PRTG: variants seen among roughly 807,000 people sequenced by gnomAD.
The protein encoded by PRTG is immunoglobulin superfamily, DCC subclass, member 5.
PRTG carries 67 observed loss-of-function variants against 122.5 expected under a neutral mutation model. That is an observed-to-expected ratio of 0.55 (90% CI 0.45 to 0.67). PRTG has a LOEUF of 0.67. Among genes scored for constraint, PRTG ranks in the 30% least tolerant of loss-of-function variants. The pLI, the probability that PRTG is intolerant of heterozygous loss-of-function variation, is 0.00. For synonymous variants in PRTG, 554 were observed against 501.1 expected (o/e 1.11, Z -1.41); for missense variants, 1,435 against 1,415.4 (o/e 1.01, Z -0.22).
chr15:55,652,141 C>T (rs539495096), intron 11 of PRTG, among the ~76,000 whole-genome samples: 1 of 152,216 alleles, frequency 6.6e-6, no homozygotes, highest in South Asian at 2.1e-4. Flanking sequence ...AAAAGCTTTG[C>T]TATAGTAGCA....
intron 18 of PRTG, among the ~76,000 whole-genome samples, chr15:55,622,878 A>C (rs1362415171): frequency 6.6e-6 from 1 of 152,176 alleles, no homozygotes; most frequent in Admixed American, 6.5e-5. Flanking sequence ...TTTAGGTTCT[A>C]ATGTTTTAGA....
At chr15:55,727,071 A>G (rs1388158531) in intron 2 of PRTG, among the ~76,000 whole-genome samples, 2 of 152,144 alleles carry the variant, frequency 1.3e-5, no homozygotes, top group African/African-American at 4.8e-5. Flanking sequence ...ATAATCTCAA[A>G]TCAATAATCT....
chr15:55,680,659 T>C lies in PRTG; in HGVS notation c.677-31A>G, dbSNP rs752423268. ...GGGAGGAAAAGACAGAATATAAAAA[T>C]AAATTATAAATAAGATATAATAAGT... On this transcript the variant is annotated intron_variant, in intron 4 of 19. Transcript: ENST00000389286. The C allele has an allele frequency of 2.9e-6, 4 of 1,374,248 alleles. No individual in the cohort carries two copies. The South Asian group carries it at 5.4e-5, about 19-fold the overall frequency. The allele number at this position is 1,374,248 out of a possible 1,614,324, so 85.1% of individuals were successfully genotyped here.
chr15:55,718,972 T>C (rs565171725), intron 2 of PRTG, among the ~76,000 whole-genome samples: 2 of 152,282 alleles, frequency 1.3e-5, no homozygotes, highest in Admixed American at 6.5e-5. Context: ...TTCAAACTCC[T>C]GACCTCAGGT....
At chr15:55,634,438 C>A (rs141011117) in intron 15 of PRTG, among the ~76,000 whole-genome samples, 90 of 152,232 alleles carry the variant, frequency 5.9e-4, no homozygotes, top group African/African-American at 1.9e-3. Flanking sequence ...TATCAAAATT[C>A]TTTATTAATA....
In PRTG at chr15:55,710,210, G is replaced by C. The variant is rs73408368; in HGVS notation, c.398-26279C>G. On this transcript the variant is annotated intron_variant, in intron 2 of 19. Coordinates refer to ENST00000389286, the MANE Select transcript of PRTG (RefSeq NM_173814.6). The stretch of plus-strand genomic sequence containing the variant: ...ATTTCAAAAATAAAAATAAAAATCA[G>C]TTAATTTCAAAAGCCTTTAAAAGTT... 5.4e-3 allele frequency among the ~76,000 whole-genome samples: 821 copies of C among 152,132 alleles called. 9 individuals are homozygous for C. The highest frequency in any genetic ancestry group is 0.019 in the African/African-American group (791 of 41,502).
At chr15:55,730,624 C>A (rs1307516552) in intron 2 of PRTG, among the ~76,000 whole-genome samples, 1 of 151,900 alleles carries the variant, frequency 6.6e-6, no homozygotes, top group East Asian at 2.0e-4. Flanking sequence ...CACAGTGAAA[C>A]CCCATCTCTA....
chr15:55,627,652 T>C (rs1472227271), intron 16 of PRTG, among the ~76,000 whole-genome samples: 4 of 152,136 alleles, frequency 2.6e-5, no homozygotes, highest in African/African-American at 7.2e-5. Context: ...ATATTAAAGA[T>C]TTTAAATGAG....
intron 8 of PRTG, among the ~76,000 whole-genome samples, chr15:55,677,252 T>C (rs948746253): frequency 6.6e-6 from 1 of 152,202 alleles, no homozygotes; most frequent in African/African-American, 2.4e-5. Context: ...TATGATGAGA[T>C]AGCAGTAAAG....
chr15:55,672,638 C>T lies in PRTG; in HGVS notation c.1853-5G>A. 6.2e-7 allele frequency: 1 copy of T among 1,604,544 alleles called. No individual in the cohort carries two copies. The highest frequency in any genetic ancestry group is 1.1e-5 in the South Asian group (1 of 89,584). On this transcript the variant is annotated splice_polypyrimidine_tract_variant and splice_region_variant and intron_variant, in intron 10 of 19. Transcript: ENST00000389286. ...GCAACTCTGGAGACTTAGGGGCTAG[C>T]AAAATTCATCAGAAAATGTATGTAT... is the stretch of plus-strand genomic sequence containing the variant.
At chr15:55,682,608 C>T (rs973702823) in intron 3 of PRTG, 111 bp from the exon 4 acceptor site, 10 of 432,372 alleles carry the variant, frequency 2.3e-5, no homozygotes, top group African/African-American at 9.0e-5. Flanking sequence ...CTTGTTGCCC[C>T]GGCTGGAGTG....
At chr15:55,653,114 T>C (rs2059361803) in intron 11 of PRTG, among the ~76,000 whole-genome samples, 1 of 152,210 alleles carries the variant, frequency 6.6e-6, no homozygotes, top group African/African-American at 2.4e-5. Context: ...GATGACTATG[T>C]CAAAATGTTA....
At chr15:55,659,700 C>T (rs899540419) in intron 11 of PRTG, among the ~76,000 whole-genome samples, 2 of 151,990 alleles carry the variant, frequency 1.3e-5, no homozygotes, top group African/African-American at 2.4e-5. Context: ...CCGAGGCGGA[C>T]GGACTGCCTG....
intron 11 of PRTG, among the ~76,000 whole-genome samples, chr15:55,647,503 T>G (rs8023964): frequency 0.011 from 1,724 of 152,316 alleles, 26 homozygotes; most frequent in African/African-American, 0.036. Context: ...TGTATAGACT[T>G]GAGCAAGTTT....
intron 11 of PRTG, among the ~76,000 whole-genome samples, chr15:55,642,806 AG>A (rs1163032847): frequency 6.6e-6 from 1 of 152,198 alleles, no homozygotes; most frequent in Non-Finnish European, 1.5e-5. Context: ...CTAAAAATAG[AG>A]GATGGGTGCA....
chr15:55,646,173 GT>G (rs545958068), intron 11 of PRTG, among the ~76,000 whole-genome samples: 9,869 of 124,292 alleles, frequency 0.079, 529 homozygotes, highest in East Asian at 0.25. Context: ...TGCCCAGCTA[GT>G]TTTTTTTTTT....
At chr15:55,673,867 G>A (rs187772862) in intron 9 of PRTG, among the ~76,000 whole-genome samples, 191 bp from the exon 10 acceptor site, 126 of 152,310 alleles carry the variant, frequency 8.3e-4, no homozygotes, top group African/African-American at 2.8e-3. Context: ...AGGGCTAAGT[G>A]TGTGGAAACA....
At chr15:55,642,181 A>C (rs2059295243) in intron 11 of PRTG, among the ~76,000 whole-genome samples, 2 of 76,528 alleles carry the variant, frequency 2.6e-5, no homozygotes, top group Admixed American at 2.2e-4. Context: ...ACTCCGTCTC[A>C]AAAAAAAAAA....
At chr15:55,714,389 C>CG (rs2030521352) in intron 2 of PRTG, among the ~76,000 whole-genome samples, 2 of 151,150 alleles carry the variant, frequency 1.3e-5, no homozygotes, top group African/African-American at 2.4e-5. Context: ...CCCACCCCCC[C>CG]GCTAGTTTTA....
Sources: allele counts gnomAD v4.1 joint callset (sites outside exome capture counted in the v4.1 genomes callset), GRCh38; gene constraint gnomAD v4.1.1; transcripts MANE v1.5; gene names NCBI Gene and HGNC (gene_info 2026-07-23, HGNC 2026-07-21).